Variants in CSMD3 observed in about 807,000 individuals in gnomAD.
CSMD3 encodes CUB and sushi domain-containing protein 3.
CSMD3 carries 177 observed loss-of-function variants against 435.2 expected under a neutral mutation model. The ratio of observed to expected loss-of-function variants is 0.41; its 90% CI spans 0.36 to 0.46. The LOEUF (loss-of-function observed/expected upper bound fraction) is 0.46. Ranked by LOEUF, CSMD3 falls within the 20% of genes least tolerant of loss-of-function variation. The pLI is 0.34. For missense variants in CSMD3, 4,265 were observed against 4,504.6 expected, an observed-to-expected ratio of 0.95 and a Z score of 1.52; for synonymous variants, 1,656 against 1,520.5, an observed-to-expected ratio of 1.09 and a Z score of -2.07.
intron 23 of CSMD3, among the ~76,000 whole-genome samples, chr8:112,586,298 T>C (rs1164774167): frequency 1.3e-5 from 2 of 151,412 alleles, no homozygotes. Context: ...AACTTAACAA[T>C]TAGAAAAAAG....
chr8:112,920,963 T>TTATA (rs138825681), intron 10 of CSMD3, among the ~76,000 whole-genome samples: 18 of 125,798 alleles, frequency 1.4e-4, no homozygotes, highest in African/African-American at 5.3e-4. Flanking sequence ...ATACTGGTAT[T>TTATA]TATATATATA....
At chr8:112,967,213 ATTAT>A (rs1468904809) in intron 7 of CSMD3, among the ~76,000 whole-genome samples, 2 of 151,822 alleles carry the variant, frequency 1.3e-5, no homozygotes, top group Non-Finnish European at 2.9e-5. Flanking sequence ...TCTGTATCTT[ATTAT>A]TTGTCTGCTT....
chr8:112,287,315 G>T lies in CSMD3; in HGVS notation c.9149-69C>A. ...TTATTAAGTTTACCAGTTAGTCCAA[G>T]GGCCTGGTAGGCATTTGTTTTTGTG... is the stretch of plus-strand genomic sequence containing the variant. On this transcript the variant is annotated intron_variant, in intron 57 of 70. Coordinates refer to ENST00000297405, the MANE Select transcript of CSMD3 (RefSeq NM_198123.2). 4.1e-6 allele frequency: 6 copies of T among 1,455,614 alleles called. No individual in the cohort carries two copies. In the South Asian group the frequency reaches 6.8e-5, roughly 17 times the overall value. The allele number at this position is 1,455,614 out of a possible 1,614,324, so 90.2% of individuals were successfully genotyped here. A position where few individuals can be genotyped will look rare whatever the true frequency, so the allele number is the denominator to read the frequency against.
intron 4 of CSMD3, among the ~76,000 whole-genome samples, chr8:113,144,803 A>C (rs1489319890): frequency 1.3e-5 from 2 of 151,626 alleles, no homozygotes; most frequent in Non-Finnish European, 3.0e-5. Flanking sequence ...ATCAGAAAAC[A>C]ATCAACAAAG....
intron 4 of CSMD3, among the ~76,000 whole-genome samples, chr8:113,157,171 A>T (rs999362895): frequency 1.3e-5 from 2 of 152,156 alleles, no homozygotes; most frequent in Admixed American, 6.6e-5. Context: ...AAAAAATTAA[A>T]CATAGAGTAT....
chr8:112,685,744 GGAA>G lies in CSMD3; in HGVS notation c.2156-15_2156-13del, dbSNP rs772084569. 6.6e-7 allele frequency: 1 copy of G among 1,511,706 alleles called. No homozygotes were observed. Among genetic ancestry groups the G allele is most frequent in the South Asian group, 1.1e-5 (1 of 88,742 alleles). 93.6% of individuals were successfully genotyped at this position (1,511,706 alleles called of 1,614,324 possible). On this transcript the variant is annotated splice_polypyrimidine_tract_variant and intron_variant, in intron 14 of 70. Transcript: ENST00000297405. ...AGACAGGCAGGGAACTGGTGAAACA[GGAA>G]GATTATGAAATACAATAAATATTCA...
chr8:113,119,180 G>A (rs1234582479), intron 4 of CSMD3, among the ~76,000 whole-genome samples: 1 of 152,018 alleles, frequency 6.6e-6, no homozygotes, highest in East Asian at 1.9e-4. Context: ...TTTCCCCAAT[G>A]AAATTCAGGA....
At chr8:112,345,809 T>C (rs1296841876) in intron 41 of CSMD3, among the ~76,000 whole-genome samples, 1 of 152,078 alleles carries the variant, frequency 6.6e-6, no homozygotes. Flanking sequence ...CATCATGTTG[T>C]ACATGATAAA....
At chr8:113,027,142 C>T (rs1587918473) in intron 5 of CSMD3, among the ~76,000 whole-genome samples, 1 of 152,148 alleles carries the variant, frequency 6.6e-6, no homozygotes, top group Admixed American at 6.5e-5. Context: ...TATTCTCTTC[C>T]TGTAGTTTTA....
chr8:112,591,453 C>A (rs780810097), intron 22 of CSMD3, among the ~76,000 whole-genome samples: 3 of 152,050 alleles, frequency 2.0e-5, no homozygotes, highest in Non-Finnish European at 4.4e-5. Flanking sequence ...TGTACACATA[C>A]AGTCATATAG....
At chr8:113,076,244 G>A (rs187613076) in intron 5 of CSMD3, among the ~76,000 whole-genome samples, 23 of 151,274 alleles carry the variant, frequency 1.5e-4, no homozygotes, top group Admixed American at 6.0e-4. Context: ...TTAAGAATTT[G>A]CATAGACACA....
intron 3 of CSMD3, among the ~76,000 whole-genome samples, chr8:113,233,358 A>G (rs1172402077): frequency 1.3e-5 from 2 of 151,310 alleles, no homozygotes; most frequent in Non-Finnish European, 3.0e-5. Flanking sequence ...TCTTGACTGT[A>G]TAATAAAAAA....
At chr8:112,927,256 A>T (rs561335794) in intron 9 of CSMD3, among the ~76,000 whole-genome samples, 51 of 152,186 alleles carry the variant, frequency 3.4e-4, no homozygotes, top group South Asian at 2.3e-3. Context: ...AATTAAGATT[A>T]GCAAAAAAAA....
At chr8:113,292,984 T>C (rs7826077) in intron 2 of CSMD3, among the ~76,000 whole-genome samples, 95,123 of 151,382 alleles carry the variant, frequency 0.63, 30,797 homozygotes, top group East Asian at 0.74. Context: ...AGGCATTTTG[T>C]TTTAGAGTCC....
At chr8:113,133,702 G>A (rs1470529430) in intron 4 of CSMD3, among the ~76,000 whole-genome samples, 1 of 151,888 alleles carries the variant, frequency 6.6e-6, no homozygotes, top group Admixed American at 6.6e-5. Context: ...TGAATAAGTG[G>A]ATAAACAAAA....
chr8:112,314,364 T>A (rs1822265046), intron 48 of CSMD3, 65 bp downstream of exon 48: 1 of 1,195,926 alleles, frequency 8.4e-7, no homozygotes, highest in South Asian at 1.2e-5. Context: ...ACTCAAAGTT[T>A]ACATGTATAA....
At chr8:112,613,271 A>G (rs1036717457) in intron 22 of CSMD3, among the ~76,000 whole-genome samples, 1 of 152,088 alleles carries the variant, frequency 6.6e-6, no homozygotes, top group Non-Finnish European at 1.5e-5. Flanking sequence ...TATTATTACA[A>G]TAGAGGTTTT....
Position 112,403,750 on chromosome 8 carries a change from CTG to C in CSMD3, c.5809+2772_5809+2773del, listed in dbSNP as rs541247904. 5.9e-5 allele frequency among the ~76,000 whole-genome samples: 9 copies of C among 151,920 alleles called. No homozygotes were observed. The South Asian group carries it at 6.2e-4, about 11-fold the overall frequency. On this transcript the variant is annotated intron_variant, in intron 35 of 70. Coordinates refer to ENST00000297405, the MANE Select transcript of CSMD3 (RefSeq NM_198123.2). ...GGGGATTAGGTTTCAACATAAGAAT[CTG>C]TGTGTGTTGTTGGGGGGCGGTGGGG...
In CSMD3 at chr8:112,794,577, G is replaced by C. The variant is rs185307992; in HGVS notation, c.1972+5585C>G. Among the ~76,000 whole-genome samples, 317 of 152,072 alleles carry C rather than the reference G, an allele frequency of 2.1e-3. 1 individual carries two copies. The highest frequency in any genetic ancestry group is 7.4e-3 in the African/African-American group (305 of 41,486). ...CCCAAAGTGCTGGGATTATAGGTAT[G>C]AGCCACTGCGTCCAGCCTGGACTGA... On this transcript the variant is annotated intron_variant, in intron 13 of 70. Transcript: ENST00000297405.
Sources: allele counts gnomAD v4.1 joint callset (sites outside exome capture counted in the v4.1 genomes callset), GRCh38; gene constraint gnomAD v4.1.1; transcripts MANE v1.5; gene names NCBI Gene and HGNC (gene_info 2026-07-23, HGNC 2026-07-21).